Variants in CAVIN2 observed in about 807,000 individuals in gnomAD.
CAVIN2 encodes the protein caveolae associated protein 2, also known as caveolae-associated protein 2.
CAVIN2 carries 13 observed loss-of-function variants against 11.7 expected under a neutral mutation model. The observed-to-expected ratio is 1.11, with a 90% CI of 0.72 to 1.77. The LOEUF is 1.77. CAVIN2 is among the 40% of genes most tolerant of loss of function. The pLI, the probability that CAVIN2 is intolerant of heterozygous loss-of-function variation, is 0.00. For synonymous variants in CAVIN2, 237 were observed against 223.2 expected (o/e 1.06, Z -0.55); for missense variants, 549 against 542.9 (o/e 1.01, Z -0.11).
intron 1 of CAVIN2, among the ~76,000 whole-genome samples, chr2:191,845,925 C>T (rs578251652): frequency 6.6e-6 from 1 of 152,186 alleles, no homozygotes; most frequent in Non-Finnish European, 1.5e-5. Context: ...GGAATCAATC[C>T]TCTATTTGAT....
intron 1 of CAVIN2, among the ~76,000 whole-genome samples, chr2:191,845,563 G>A: frequency 6.6e-6 from 1 of 152,196 alleles, no homozygotes; most frequent in East Asian, 1.9e-4. Context: ...ATTAGGCAGG[G>A]CTGCCCTGGG....
chr2:191,842,288 G>C (rs550640380), intron 1 of CAVIN2, among the ~76,000 whole-genome samples: 1 of 152,286 alleles, frequency 6.6e-6, no homozygotes, highest in East Asian at 1.9e-4. Flanking sequence ...GTGGACGAAA[G>C]TGTAAGCTGT....
intron 1 of CAVIN2, among the ~76,000 whole-genome samples, chr2:191,838,645 C>T (rs1222768465): frequency 6.6e-6 from 1 of 152,186 alleles, no homozygotes. Context: ...TATAACATGG[C>T]CTTTTACAAG....
intron 1 of CAVIN2, among the ~76,000 whole-genome samples, chr2:191,844,722 GT>G (rs879528240): frequency 2.0e-4 from 30 of 150,812 alleles, no homozygotes; most frequent in Admixed American, 7.3e-4. Context: ...TTCCCAAGCA[GT>G]TTTTTTTTAA....
chr2:191,836,400 C>T lies in CAVIN2; in HGVS notation c.801G>A (p.Arg267=), dbSNP rs1258710859. 6.2e-7 allele frequency: 1 copy of T among 1,614,148 alleles called. No individual in the cohort carries two copies. Among genetic ancestry groups the T allele is most frequent in the Middle Eastern group, 1.7e-4 (1 of 6,060 alleles). ...KLGTKIVSVE[R]REKIKKSLTS... is the part of the protein sequence containing the mutation. The stretch of plus-strand genomic sequence containing the variant: ...TGAGAGATTTCTTAATCTTCTCTCT[C>T]CTCTCTACAGATACGATCTTTGTCC... The change falls in exon 2 of 2, where the codon AGG becomes AGA. Residue 267 remains arginine, a synonymous_variant. Transcript: ENST00000304141.
chr2:191,846,327 G>T, intron 1 of CAVIN2, 116 bp downstream of exon 1: 2 of 1,262,902 alleles, frequency 1.6e-6, no homozygotes, highest in Non-Finnish European at 2.2e-6. Context: ...TGCCTTGTAT[G>T]TGTGATCCCT....
At chr2:191,837,643 C>T (rs1690042014) in intron 1 of CAVIN2, among the ~76,000 whole-genome samples, 1 of 152,202 alleles carries the variant, frequency 6.6e-6, no homozygotes, top group African/African-American at 2.4e-5. Flanking sequence ...AGCACCTGAA[C>T]ACTCAACTCT....
rs1056865173 is a variant in CAVIN2, at chr2:191,836,046, C to A, written c.1155G>T (p.Val385=). 8.1e-6 allele frequency: 13 copies of A among 1,614,098 alleles called. No individual in the cohort carries two copies. The highest frequency in any genetic ancestry group is 9.3e-6 in the Non-Finnish European group (11 of 1,180,046). The part of the protein sequence containing the change: ...TIVEDEEEES[V]ALEQAQKVRY... ...GTACCTTCTGTGCCTGTTCCAGGGC[C>A]ACTGACTCCTCCTCTTCATCTTCCA... The change falls in exon 2 of 2, where the codon GTG becomes GTT. Residue 385 remains valine (V), a synonymous_variant. Coordinates refer to ENST00000304141, the MANE Select transcript of CAVIN2 (RefSeq NM_004657.6).
Position 191,846,942 on chromosome 2 carries a change from A to G in CAVIN2, c.-17T>C. The stretch of plus-strand genomic sequence containing the variant: ...CTCTCCCATGGCTAGGCAGGTGGGA[A>G]CGTTCTTTCTCTCTGGGAGCTGCTT... On this transcript the variant is annotated 5_prime_UTR_variant, in exon 1 of 2. Transcript: ENST00000304141. The G allele has an allele frequency of 6.3e-7, 1 of 1,582,662 alleles. No individual in the cohort carries two copies. Among genetic ancestry groups the G allele is most frequent in the Non-Finnish European group, 8.6e-7 (1 of 1,167,040 alleles).
intron 1 of CAVIN2, among the ~76,000 whole-genome samples, chr2:191,845,200 T>C (rs1470293155): frequency 6.6e-6 from 1 of 152,226 alleles, no homozygotes; most frequent in East Asian, 1.9e-4. Context: ...GAGGAGGACA[T>C]AGGCTCCCTA....
chr2:191,837,206 A>G (rs538790843), intron 1 of CAVIN2, among the ~76,000 whole-genome samples: 2 of 152,296 alleles, frequency 1.3e-5, no homozygotes, highest in East Asian at 3.9e-4. Context: ...ACACACATAA[A>G]GCCTTGACTG....
chr2:191,835,578 CAAAA>C lies in CAVIN2; in HGVS notation c.*341_*344del. On this transcript the variant is annotated 3_prime_UTR_variant, in exon 2 of 2. Transcript: ENST00000304141. ...ACTATTCAGCAAGCTTATGGAATGACAAAAAAGAATGAATCACTTTTCATGACTA... is the reference window on the plus strand; with the variant it reads ...ACTATTCAGCAAGCTTATGGAATGACAAGAATGAATCACTTTTCATGACTA... The C allele has an allele frequency of 8.0e-6, 2 of 248,694 alleles. No homozygotes were observed. The highest frequency in any genetic ancestry group is 2.2e-5 in the African/African-American group (1 of 45,910). The allele number at this position is 248,694 out of a possible 1,614,324, so 15.4% of individuals were successfully genotyped here.
Position 191,836,353 on chromosome 2 carries a change from GAT to G in CAVIN2, c.846_847del (p.Ser283LeufsTer29), listed in dbSNP as rs1690018790. 1 of 1,614,026 alleles carries G rather than the reference GAT, an allele frequency of 6.2e-7. No individual in the cohort carries two copies. The highest frequency in any genetic ancestry group is 1.7e-5 in the Admixed American group (1 of 59,986). On this transcript the variant is annotated frameshift_variant, in exon 2 of 2. Transcript: ENST00000304141. LOFTEE classifies it low-confidence loss of function (END_TRUNC). ...CTTGAAGGGGGAGCTTTTTCCTGAGGATATTTTCTGGTGATTTGACGTGAGAG... is the reference window on the plus strand; with the variant it reads ...CTTGAAGGGGGAGCTTTTTCCTGAGGATTTTCTGGTGATTTGACGTGAGAG...
chr2:191,839,558 G>A (rs1268136463), intron 1 of CAVIN2, among the ~76,000 whole-genome samples: 1 of 152,140 alleles, frequency 6.6e-6, no homozygotes, highest in African/African-American at 2.4e-5. Flanking sequence ...GGGAAGGTAG[G>A]AAACCCAATT....
intron 1 of CAVIN2, among the ~76,000 whole-genome samples, chr2:191,837,802 C>T (rs1334442442): frequency 6.6e-6 from 1 of 152,240 alleles, no homozygotes; most frequent in Admixed American, 6.5e-5. Context: ...GATGTCTTCA[C>T]ATCTTTTTTG....
chr2:191,846,355 TA>T, intron 1 of CAVIN2, 87 bp downstream of exon 1: 1 of 1,433,022 alleles, frequency 7.0e-7, no homozygotes, highest in Non-Finnish European at 9.3e-7. Context: ...AGGACAAATG[TA>T]AAAATGGCTG....
intron 1 of CAVIN2, among the ~76,000 whole-genome samples, chr2:191,840,051 A>C (rs1690072421): frequency 6.6e-6 from 1 of 152,150 alleles, no homozygotes; most frequent in Admixed American, 6.5e-5. Flanking sequence ...TGAGGTGCCT[A>C]ATCTCACCTG....
Position 191,835,962 on chromosome 2 carries a change from G to A in CAVIN2, c.1239C>T (p.Pro413=), listed in dbSNP as rs776133100. The A allele has an allele frequency of 2.2e-5, 35 of 1,613,676 alleles. 1 individual carries two copies. In the Middle Eastern group the frequency reaches 4.9e-4, roughly 23 times the overall value. ...SEEAERSDGD[P]VQPAVLQVHQ... is the part of the protein sequence containing the mutation. ...GCACCTGGAGCACGGCGGGCTGCAC[G>A]GGGTCCCCATCGGAGCGCTCCGCCT... The change falls in exon 2 of 2, where the codon CCC becomes CCT. Residue 413 remains proline (P), a synonymous_variant. Coordinates refer to ENST00000304141, the MANE Select transcript of CAVIN2 (RefSeq NM_004657.6).
At position 191,836,186 on chromosome 2, in the gene CAVIN2, C is replaced by T. The variant is rs116342827; in HGVS notation, c.1015G>A (p.Glu339Lys). Residue 339 changes from glutamate to lysine, a missense_variant, in exon 2 of 2, where the codon GAA becomes AAA. Coordinates refer to ENST00000304141, the MANE Select transcript of CAVIN2 (RefSeq NM_004657.6). ...ACCAGAGCGCTGGCGAGGGACGCTT[C>T]GGAATGACCCTCTGCAAAGGACTCC... ...EEESFAEGHSEASLASALVEG... is the reference protein window; with the variant it reads ...EEESFAEGHSKASLASALVEG... 3.9e-4 allele frequency: 626 copies of T among 1,614,160 alleles called. 4 individuals are homozygous for T. In the East Asian group the frequency reaches 8.2e-3, roughly 21 times the overall value.
Sources: gnomAD v4.1 joint callset for allele counts (sites outside exome capture counted in the v4.1 genomes callset) on GRCh38, gnomAD v4.1.1 for gene constraint, MANE v1.5 for transcripts, NCBI Gene and HGNC (gene_info 2026-07-23, HGNC 2026-07-21) for gene names.